GPC6: variants seen among roughly 807,000 people sequenced by gnomAD.
GPC6 encodes the protein glypican 6.
In GPC6, 14 loss-of-function variants were observed where a neutral mutation model predicts 55.2. That is an observed-to-expected ratio of 0.25 (90% confidence interval 0.17 to 0.40). The LOEUF (loss-of-function observed/expected upper bound fraction) is 0.40. Ranked by LOEUF, GPC6 falls within the 10% of genes least tolerant of loss-of-function variation. The pLI, the probability that GPC6 is intolerant of heterozygous loss-of-function variation, is 1.00. For missense variants in GPC6, 641 were observed against 708.5 expected (o/e 0.90, Z 1.08); for synonymous variants, 278 against 259.6 (o/e 1.07, Z -0.68).
At chr13:93,676,409 T>C (rs1036008911) in intron 2 of GPC6, among the ~76,000 whole-genome samples, 13 of 151,144 alleles carry the variant, frequency 8.6e-5, no homozygotes, top group African/African-American at 2.9e-4. Context: ...AGAGTGAGAC[T>C]CCATCTCAAA....
At chr13:93,589,018 C>G (rs1284024016) in intron 2 of GPC6, among the ~76,000 whole-genome samples, 1 of 151,986 alleles carries the variant, frequency 6.6e-6, no homozygotes, top group Non-Finnish European at 1.5e-5. Flanking sequence ...ACTATAGCTC[C>G]CTTATAAAAT....
intron 4 of GPC6, among the ~76,000 whole-genome samples, chr13:94,141,157 G>A (rs145491771): frequency 1.3e-3 from 199 of 152,218 alleles, no homozygotes; most frequent in African/African-American, 4.5e-3. Context: ...GGAGACAGGC[G>A]TGCAGGCAAA....
At chr13:93,852,352 A>G (rs1439826547) in intron 3 of GPC6, among the ~76,000 whole-genome samples, 1 of 151,784 alleles carries the variant, frequency 6.6e-6, no homozygotes, top group Non-Finnish European at 1.5e-5. Context: ...AGTTCAGCAG[A>G]CACCACATTC....
chr13:93,763,840 T>A (rs111543908), intron 2 of GPC6, among the ~76,000 whole-genome samples: 14 of 145,156 alleles, frequency 9.6e-5, no homozygotes, highest in Middle Eastern at 3.5e-3. Flanking sequence ...TTTTTTTTTT[T>A]ATCTAGGCCA....
chr13:93,857,011 A>G (rs1888641232), intron 3 of GPC6, among the ~76,000 whole-genome samples: 1 of 151,592 alleles, frequency 6.6e-6, no homozygotes, highest in Non-Finnish European at 1.5e-5. Context: ...AACATTTCCT[A>G]TATTAAAATG....
chr13:93,574,427 G>A (rs1876561335), intron 2 of GPC6, among the ~76,000 whole-genome samples: 2 of 152,208 alleles, frequency 1.3e-5, no homozygotes, highest in African/African-American at 2.4e-5. Flanking sequence ...CAGAAGGGGG[G>A]AAGGATTATT....
At chr13:93,252,882 T>C (rs1207230637) in intron 1 of GPC6, among the ~76,000 whole-genome samples, 1 of 152,264 alleles carries the variant, frequency 6.6e-6, no homozygotes. Flanking sequence ...TTAAATTGTG[T>C]AATGTAGAGA....
chr13:93,587,168 T>C (rs918590619), intron 2 of GPC6, among the ~76,000 whole-genome samples: 5 of 152,078 alleles, frequency 3.3e-5, no homozygotes, highest in Non-Finnish European at 7.4e-5. Context: ...TTTTTTGTCA[T>C]CTGTAAAATA....
intron 6 of GPC6, among the ~76,000 whole-genome samples, chr13:94,311,344 T>C (rs893550077): frequency 1.3e-5 from 2 of 152,156 alleles, no homozygotes; most frequent in Admixed American, 1.3e-4. Context: ...AATTTTTGTA[T>C]TCTTAGTAGA....
intron 1 of GPC6, among the ~76,000 whole-genome samples, chr13:93,494,166 T>C (rs1300432699): frequency 8.9e-6 from 1 of 112,766 alleles, no homozygotes; most frequent in Non-Finnish European, 1.8e-5. Context: ...CTAAGTCTCT[T>C]TGTAGGTCAC....
At chr13:94,373,802 G>T (rs1879703975) in intron 6 of GPC6, among the ~76,000 whole-genome samples, 1 of 152,004 alleles carries the variant, frequency 6.6e-6, no homozygotes, top group African/African-American at 2.4e-5. Flanking sequence ...AAATGTTAAG[G>T]GCAGCCAGAG....
intron 4 of GPC6, among the ~76,000 whole-genome samples, chr13:94,039,180 C>A (rs1401081419): frequency 3.3e-5 from 5 of 151,932 alleles, no homozygotes; most frequent in Non-Finnish European, 5.9e-5. Context: ...TAAGGTTGGG[C>A]AGAATTGGAC....
At chr13:93,705,541 T>G (rs2138800852) in intron 2 of GPC6, among the ~76,000 whole-genome samples, 1 of 152,016 alleles carries the variant, frequency 6.6e-6, no homozygotes, top group Admixed American at 6.6e-5. Flanking sequence ...TCTCAAATCT[T>G]GGGAAGACTA....
rs934412763 is a variant in GPC6, at chr13:94,002,048, G to A, written c.712-25681G>A. ...CTCACATAGAGACTAGAAGATAGGGGCCCTATCTTATTGATTATTTTTCAA... is the reference window on the plus strand; with the variant it reads ...CTCACATAGAGACTAGAAGATAGGGACCCTATCTTATTGATTATTTTTCAA... On this transcript the variant is annotated intron_variant, in intron 3 of 8. Transcript: ENST00000377047. 3.3e-5 allele frequency among the ~76,000 whole-genome samples: 5 copies of A among 152,076 alleles called. No homozygotes were observed. The East Asian group carries it at 9.7e-4, about 29-fold the overall frequency.
rs1876180110 is a variant in GPC6, at chr13:93,234,851, CCAG to C, written c.160+7239_160+7241del. 1.3e-5 allele frequency among the ~76,000 whole-genome samples: 2 copies of C among 152,122 alleles called. 1 individual carries two copies. Among genetic ancestry groups the C allele is most frequent in the Non-Finnish European group, 2.9e-5 (2 of 68,024 alleles). ...GGAGACAAAACTCAATATCATTAAA[CCAG>C]CAGAAGACTATTAACAGTATCAGTG... On this transcript the variant is annotated intron_variant, in intron 1 of 8. Transcript: ENST00000377047.
chr13:94,181,885 G>C (rs552315524), intron 4 of GPC6, among the ~76,000 whole-genome samples: 1 of 152,238 alleles, frequency 6.6e-6, no homozygotes, highest in South Asian at 2.1e-4. Context: ...CATTAGTCCT[G>C]GTTAATCTTT....
At chr13:94,160,712 T>A (rs1888128297) in intron 4 of GPC6, among the ~76,000 whole-genome samples, 1 of 152,252 alleles carries the variant, frequency 6.6e-6, no homozygotes, top group African/African-American at 2.4e-5. Flanking sequence ...CCTCTTGGTC[T>A]GGATCCTACA....
intron 1 of GPC6, among the ~76,000 whole-genome samples, chr13:93,430,207 T>C (rs1166817706): frequency 6.6e-6 from 1 of 152,180 alleles, no homozygotes; most frequent in Non-Finnish European, 1.5e-5. Context: ...TCATGTCATG[T>C]AAATAAAGTG....
chr13:93,889,392 T>A (rs528394472), intron 3 of GPC6, among the ~76,000 whole-genome samples: 72 of 152,266 alleles, frequency 4.7e-4, no homozygotes, highest in African/African-American at 1.7e-3. Flanking sequence ...TAGAAGTGAT[T>A]CTGAATGTGG....
Sources: allele counts gnomAD v4.1 joint callset (sites outside exome capture counted in the v4.1 genomes callset), GRCh38; gene constraint gnomAD v4.1.1; transcripts MANE v1.5; gene names NCBI Gene and HGNC (gene_info 2026-07-23, HGNC 2026-07-21).